Variants in NEURL4 observed in about 807,000 individuals in gnomAD.
The protein encoded by NEURL4 is neuralized-like protein 4.
NEURL4 carries 45 observed loss-of-function variants against 148.0 expected under a neutral mutation model. That is an observed-to-expected ratio of 0.30 (90% CI 0.24 to 0.39). NEURL4 has a LOEUF of 0.39. NEURL4 is among the 10% of genes least tolerant of loss of function. The pLI is 1.00. For missense variants in NEURL4, 1,776 were observed against 2,144.0 expected (o/e 0.83, Z 3.39); for synonymous variants, 854 against 869.0 (o/e 0.98, Z 0.30).
chr17:7,321,450 G>A lies in NEURL4; in HGVS notation c.3109C>T (p.Arg1037Cys), dbSNP rs539833360. Residue 1037 changes from arginine (R) to cysteine (C), a missense_variant, in exon 19 of 29, where the codon CGT becomes TGT. Physicochemically the swap from Arg to Cys is radical, Grantham distance 180. Coordinates refer to ENST00000399464, the MANE Select transcript of NEURL4 (RefSeq NM_032442.3). The surrounding 1 kb of genome is among the most constrained non-coding windows in gnomAD (Gnocchi z 6.3). ...RNLERLGVGS[R>C]VGVRRGADDT... ...TCTGCCCCCCGACGAACACCCACAC[G>A]GCTCCCCACCTAGGACCGAGGTAGG... 56 of 1,613,924 alleles carry A rather than the reference G, an allele frequency of 3.5e-5. No homozygotes were observed. The South Asian group carries it at 4.0e-4, about 11-fold the overall frequency.
Position 7,323,079 on chromosome 17 carries a change from T to C in NEURL4, c.2462A>G (p.Tyr821Cys). 1 of 1,613,694 alleles carries C rather than the reference T, an allele frequency of 6.2e-7. No homozygotes were observed. The highest frequency in any genetic ancestry group is 8.5e-7 in the Non-Finnish European group (1 of 1,179,938). The change falls in exon 15 of 29, where the codon TAT becomes TGT. Residue 821 changes from tyrosine to cysteine, a missense_variant. Transcript: ENST00000399464. The part of the protein sequence containing the change: ...MQDGNTMRNN[Y>C]GCDLDALGTG... ...GCCCAGCGCATCCAGGTCACACCCATAATTGTTGCGCATCGTGTTACCGTC... is the reference window on the plus strand; with the variant it reads ...GCCCAGCGCATCCAGGTCACACCCACAATTGTTGCGCATCGTGTTACCGTC...
intron 28 of NEURL4, among the ~76,000 whole-genome samples, chr17:7,316,571 G>A (rs1453562096): frequency 6.6e-6 from 1 of 152,124 alleles, no homozygotes; most frequent in African/African-American, 2.4e-5. Context: ...CACACCAACC[G>A]CACTGCTGTC....
In NEURL4 at chr17:7,324,327, T is replaced by TC. The variant is rs2073072851; in HGVS notation, c.1900-58dup. 6.2e-7 allele frequency: 1 copy of TC among 1,613,728 alleles called. No individual in the cohort carries two copies. On this transcript the variant is annotated intron_variant, in intron 10 of 28. Transcript: ENST00000399464. The surrounding 1 kb of genome is among the most constrained non-coding windows in gnomAD (Gnocchi z 5.9). ...CAGGCAGAGTTCCTGCCGGGGCTGG[T>TC]CCTGCATCAGCCCCGCGGTGTTTGT... is the stretch of plus-strand genomic sequence containing the variant.
chr17:7,325,544 G>A (rs1354443686), intron 7 of NEURL4, 71 bp from the exon 8 acceptor site: 3 of 1,588,324 alleles, frequency 1.9e-6, no homozygotes, highest in East Asian at 4.5e-5. Context: ...ACACAGGGAG[G>A]CCAAGCACCA....
chr17:7,323,980 C>T lies in NEURL4; in HGVS notation c.2095G>A (p.Gly699Arg), dbSNP rs1438876953. The change falls in exon 12 of 29, where the codon GGG (glycine) becomes AGG (arginine). Residue 699 changes from glycine to arginine, a missense_variant. Transcript: ENST00000399464. ...VAPVPEPLPE[G>R]NNQVSPSSPS... ...GAGCTTGGAGACACCTGGTTGTTCC[C>T]CTCAGGGAGTGGTTCAGGAACTGGA... is the stretch of plus-strand genomic sequence containing the variant. The T allele has an allele frequency of 1.9e-6, 3 of 1,611,490 alleles. No individual in the cohort carries two copies. The highest frequency in any genetic ancestry group is 2.5e-6 in the Non-Finnish European group (3 of 1,180,018).
rs780150228 is a variant in NEURL4, at chr17:7,327,603, A to G, written c.564T>C (p.Arg188=). 6.2e-7 allele frequency: 1 copy of G among 1,612,464 alleles called. No homozygotes were observed. Among genetic ancestry groups the G allele is most frequent in the Non-Finnish European group, 8.5e-7 (1 of 1,179,888 alleles). Residue 188 remains arginine (R), a synonymous_variant, in exon 2 of 29, where the codon CGT becomes CGC. Transcript: ENST00000399464. This position sits in a 1 kb window ranked among gnomAD's most constrained non-coding sequence, Gnocchi z 6.6. ...CATAAAGGTCCACGACGGCCCAGACACGAGGGGGCAGGCCTGTGGCAGCCA... is the reference window on the plus strand; with the variant it reads ...CATAAAGGTCCACGACGGCCCAGACGCGAGGGGGCAGGCCTGTGGCAGCCA... ...CGVAATGLPP[R]VWAVVDLYGK... is the part of the protein sequence containing the mutation.
chr17:7,328,884 C>G, intron 1 of NEURL4, 147 bp downstream of exon 1: 1 of 685,936 alleles, frequency 1.5e-6, no homozygotes, highest in South Asian at 2.5e-5. Flanking sequence ...TTCATGCTGT[C>G]TTCCTGACCG....
In NEURL4 at chr17:7,317,253, G is replaced by C. The variant is rs1238820739; in HGVS notation, c.4436C>G (p.Ser1479Cys). The change falls in exon 28 of 29, where the codon TCC becomes TGC. Residue 1479 changes from serine (S) to cysteine (C), a missense_variant. By Grantham distance (112) the Ser-to-Cys change is moderately radical. Coordinates refer to ENST00000399464, the MANE Select transcript of NEURL4 (RefSeq NM_032442.3). ...CGCCCCAGCATATTGAAGGGAGGGGGAAAGCAGCACAGGAGGGGGCTGCTC... is the reference window on the plus strand; with the variant it reads ...CGCCCCAGCATATTGAAGGGAGGGGCAAAGCAGCACAGGAGGGGGCTGCTC... The part of the protein sequence containing the change: ...REEQPPPVLL[S>C]PSLQYAGAET... 6.6e-6 allele frequency: 10 copies of C among 1,523,166 alleles called. No individual in the cohort carries two copies. The highest frequency in any genetic ancestry group is 1.4e-5 in the African/African-American group (1 of 71,848). 94.4% of individuals were successfully genotyped at this position (1,523,166 alleles called of 1,614,324 possible).
rs374651452 is a variant in NEURL4, at chr17:7,315,942, C to T, written c.*181G>A. 107 of 602,852 alleles carry T rather than the reference C, an allele frequency of 1.8e-4. No individual in the cohort carries two copies. The highest frequency in any genetic ancestry group is 1.6e-3 in the African/African-American group (89 of 54,092). The allele number at this position is 602,852 out of a possible 1,614,324, so 37.3% of individuals were successfully genotyped here. On this transcript the variant is annotated 3_prime_UTR_variant, in exon 29 of 29. Coordinates refer to ENST00000399464, the MANE Select transcript of NEURL4 (RefSeq NM_032442.3). ...CCCATCAGACGGAGTGCTGGGCCTC[C>T]GGACATGGAGCTGTGCCACTTGCCA...
chr17:7,316,261 A>G lies in NEURL4; in HGVS notation c.4551T>C (p.Pro1517=), dbSNP rs1379977011. ...AAGGGGGTCCCGGGGTGTAGGAGCC[A>G]GGGCGCACACACACCTGGAACGCCA... ...AQVAFQVCVR[P]GSYTPGPPSA... Residue 1517 remains proline, a synonymous_variant, in exon 29 of 29, where the codon CCT becomes CCC. Coordinates refer to ENST00000399464, the MANE Select transcript of NEURL4 (RefSeq NM_032442.3). 2.5e-6 allele frequency: 4 copies of G among 1,613,754 alleles called. No homozygotes were observed. Among genetic ancestry groups the G allele is most frequent in the Non-Finnish European group, 3.4e-6 (4 of 1,179,976 alleles).
chr17:7,324,193 A>G lies in NEURL4; in HGVS notation c.1977T>C (p.Pro659=). ...HFFVNGMTQG[P]AAWNVPPGVY... ...CGCCCGGGGGCACGTTCCAGGCAGC[A>G]GGGCCCTGAGTCATCCCATTGACAA... The change falls in exon 11 of 29, where the codon CCT becomes CCC. Residue 659 remains proline, a synonymous_variant. Transcript: ENST00000399464. This position sits in a 1 kb window ranked among gnomAD's most constrained non-coding sequence, Gnocchi z 5.9. 1 of 1,613,808 alleles carries G rather than the reference A, an allele frequency of 6.2e-7. No individual in the cohort carries two copies. Among genetic ancestry groups the G allele is most frequent in the East Asian group, 2.2e-5 (1 of 44,880 alleles).
intron 8 of NEURL4, 65 bp downstream of exon 8, chr17:7,325,144 T>TTGGGGGGGGGGGGGGGGCG: frequency 1.0e-6 from 1 of 956,488 alleles, no homozygotes; most frequent in Non-Finnish European, 1.5e-6. Context: ...TCCACTTCCT[T>TTGGGGGGGGGGGGGGGGCG]GCCCCGCCCC....
chr17:7,325,145 G>GCT, intron 8 of NEURL4, 64 bp downstream of exon 8: 1 of 830,664 alleles, frequency 1.2e-6, no homozygotes, highest in Non-Finnish European at 1.8e-6. Flanking sequence ...CCACTTCCTT[G>GCT]CCCCGCCCCC....
intron 26 of NEURL4, 103 bp downstream of exon 26, chr17:7,317,685 C>A (rs768631530): frequency 6.4e-7 from 1 of 1,573,762 alleles, no homozygotes; most frequent in Non-Finnish European, 8.7e-7. Context: ...CTGGCTTTTC[C>A]TTAGACAGGA....
chr17:7,325,076 A>G, intron 8 of NEURL4, 96 bp from the exon 9 acceptor site: 1 of 1,563,422 alleles, frequency 6.4e-7, no homozygotes, highest in Admixed American at 1.8e-5. Context: ...CACTGCCCCA[A>G]GCCAAAGAAC....
rs3809814 is a variant in NEURL4, at chr17:7,321,830, C to A, written c.2871+35G>T. 6.2e-7 allele frequency: 1 copy of A among 1,610,480 alleles called. No homozygotes were observed. Among genetic ancestry groups the A allele is most frequent in the Non-Finnish European group, 8.5e-7 (1 of 1,177,594 alleles). On this transcript the variant is annotated intron_variant, in intron 17 of 28. Transcript: ENST00000399464. The surrounding 1 kb of genome is among the most constrained non-coding windows in gnomAD (Gnocchi z 6.3). ...CATAAGCTGGCCCTGTCGTGATGGGCCTCGCAGCCCCTCTGTCACATCACT... is the reference window on the plus strand; with the variant it reads ...CATAAGCTGGCCCTGTCGTGATGGGACTCGCAGCCCCTCTGTCACATCACT...
At chr17:7,316,350 G>C in intron 28 of NEURL4, 23 bp from the exon 29 acceptor site, 7 of 1,600,194 alleles carry the variant, frequency 4.4e-6, no homozygotes, top group Non-Finnish European at 5.1e-6. Flanking sequence ...AAAAAATAAG[G>C]GAGTGAAGCC....
In NEURL4 at chr17:7,318,460, A is replaced by G. The variant is rs987147978; in HGVS notation, c.3864+35T>C. On this transcript the variant is annotated intron_variant, in intron 23 of 28. Coordinates refer to ENST00000399464, the MANE Select transcript of NEURL4 (RefSeq NM_032442.3). The surrounding 1 kb of genome is among the most constrained non-coding windows in gnomAD (Gnocchi z 4.3). ...CCTGTCCTGGACAGCGCAGACTCTC[A>G]GGCACCCCTCCTCCCTGCCCCCACT... 3 of 1,602,328 alleles carry G rather than the reference A, an allele frequency of 1.9e-6. No individual in the cohort carries two copies. Among genetic ancestry groups the G allele is most frequent in the Non-Finnish European group, 2.6e-6 (3 of 1,172,518 alleles).
intron 14 of NEURL4, 88 bp downstream of exon 14, chr17:7,323,397 C>T (rs2073057774): frequency 1.4e-6 from 2 of 1,385,836 alleles, no homozygotes; most frequent in East Asian, 4.6e-5. Flanking sequence ...TGTCACTACC[C>T]ACAGCCACCA....
Sources: allele counts gnomAD v4.1 joint callset (sites outside exome capture counted in the v4.1 genomes callset), GRCh38; gene constraint gnomAD v4.1.1; non-coding constraint Gnocchi (gnomAD v3.1); transcripts MANE v1.5; gene names NCBI Gene and HGNC (gene_info 2026-07-23, HGNC 2026-07-21).